PCDH19: variants seen among roughly 807,000 people sequenced by gnomAD.
PCDH19 encodes the protein protocadherin 19, also known as protocadherin-19.
PCDH19 carries 6 observed loss-of-function variants against 46.2 expected under a neutral mutation model. That is an observed-to-expected ratio of 0.13 (90% CI 0.07 to 0.26). PCDH19 has a LOEUF of 0.26. Among genes scored for constraint, PCDH19 ranks in the 10% least tolerant of loss-of-function variants. The pLI is 1.00. For synonymous variants in PCDH19, 481 were observed against 415.7 expected, an observed-to-expected ratio of 1.16 and a Z score of -1.91; for missense variants, 740 against 972.3, an observed-to-expected ratio of 0.76 and a Z score of 3.18.
At chrX:100,344,016 C>T (rs902206597) in intron 4 of PCDH19, among the ~76,000 whole-genome samples, 3 of 111,755 alleles carry the variant, frequency 2.7e-5, no homozygotes, top group African/African-American at 9.8e-5. Flanking sequence ...ATATGACCAA[C>T]CTAGATGTAG....
intron 5 of PCDH19, among the ~76,000 whole-genome samples, chrX:100,331,116 C>G (rs890931560): frequency 8.9e-6 from 1 of 111,791 alleles, no homozygotes; most frequent in Non-Finnish European, 1.9e-5. Context: ...CATATTAGAT[C>G]TCTGAATGGC....
chrX:100,365,408 T>C (rs1012801700), intron 3 of PCDH19, among the ~76,000 whole-genome samples: 2 of 111,850 alleles, frequency 1.8e-5, no homozygotes, highest in African/African-American at 6.5e-5. Context: ...TTTCAATCTA[T>C]AGTCCCTTTT....
At position 100,407,706 on chromosome X, in the gene PCDH19, C is replaced by T; in HGVS notation, c.892G>A (p.Val298Ile). The change falls in exon 1 of 6, where the codon GTC becomes ATC. Residue 298 changes from valine (V) to isoleucine (I), a missense_variant. Val to Ile is a conservative substitution (Grantham distance 29). This residue lies in a region of PCDH19 where 186 missense variants were observed against 319.9 expected (regional missense o/e 0.58). Transcript: ENST00000373034. ...LFQIDPHSGL[V>I]TVTGALDYEE... ...TAGTCTAAAGCGCCAGTGACAGTGA[C>T]CAGGCCACTGTGCGGGTCGATCTGA... The T allele has an allele frequency of 8.2e-7, 1 of 1,212,402 alleles. No homozygotes were observed. The highest frequency in any genetic ancestry group is 1.1e-6 in the Non-Finnish European group (1 of 895,638).
chrX:100,375,423 A>T (rs1030894580), intron 3 of PCDH19, among the ~76,000 whole-genome samples: 5 of 111,868 alleles, frequency 4.5e-5, no homozygotes, highest in African/African-American at 1.6e-4. Flanking sequence ...AAGGACATTA[A>T]CTCATCCTTT....
chrX:100,328,275 G>A (rs1925761225), intron 5 of PCDH19, among the ~76,000 whole-genome samples: 1 of 111,593 alleles, frequency 9.0e-6, no homozygotes, highest in South Asian at 3.8e-4. Context: ...GGTCCAACAC[G>A]CTTAGAACAC....
At chrX:100,332,772 G>A (rs1225881648) in intron 5 of PCDH19, among the ~76,000 whole-genome samples, 1 of 110,444 alleles carries the variant, frequency 9.1e-6, no homozygotes, top group Non-Finnish European at 1.9e-5. Flanking sequence ...AGCACTTTGG[G>A]AGGCCAAAGC....
intron 3 of PCDH19, among the ~76,000 whole-genome samples, chrX:100,402,294 T>C (rs769322237): frequency 3.6e-5 from 4 of 112,466 alleles, no homozygotes; most frequent in Middle Eastern, 4.6e-3. Context: ...GCTCAGACTC[T>C]TTGAGTTACC....
chrX:100,371,088 G>A (rs1006484374), intron 3 of PCDH19, among the ~76,000 whole-genome samples: 3 of 110,187 alleles, frequency 2.7e-5, no homozygotes, highest in Admixed American at 9.8e-5. Flanking sequence ...GGAGGCTGAA[G>A]GTTTCTAATA....
chrX:100,324,738 A>G (rs1318156942), intron 5 of PCDH19, among the ~76,000 whole-genome samples: 12 of 111,833 alleles, frequency 1.1e-4, no homozygotes, highest in Admixed American at 1.0e-3. Context: ...AGAGACGTAG[A>G]TAAGTGAAGA....
At chrX:100,323,430 A>C (rs1287514500) in intron 5 of PCDH19, among the ~76,000 whole-genome samples, 1 of 111,965 alleles carries the variant, frequency 8.9e-6, no homozygotes, top group Non-Finnish European at 1.9e-5. Flanking sequence ...AAAGCAGAAC[A>C]ATGCCCTGAA....
Position 100,403,530 on chromosome X carries a change from C to A in PCDH19, c.2282G>T (p.Gly761Val). The A allele has an allele frequency of 8.3e-7, 1 of 1,202,291 alleles. No homozygotes were observed. The highest frequency in any genetic ancestry group is 1.1e-6 in the Non-Finnish European group (1 of 890,873). ...KKTEEKVSLR[G>V]KRIAEYSYGH... ...AGGGGAAATGCCTTTTTACCTCTTT[C>A]CCCTTAGGCTCACTTTCTCCTCTGT... The change falls in exon 2 of 6, where the codon GGA becomes GTA. Residue 761 changes from glycine (G) to valine (V), a missense_variant. By Grantham distance (109) the Gly-to-Val change is moderately radical. Coordinates refer to ENST00000373034, the MANE Select transcript of PCDH19 (RefSeq NM_001184880.2).
intron 3 of PCDH19, among the ~76,000 whole-genome samples, chrX:100,362,338 A>G (rs1020263844): frequency 2.8e-4 from 31 of 111,712 alleles, no homozygotes; most frequent in African/African-American, 9.8e-4. Context: ...TATCGGGGCT[A>G]AACCAGTAGA....
chrX:100,336,147 G>A (rs1288731820), intron 5 of PCDH19, among the ~76,000 whole-genome samples: 7 of 112,153 alleles, frequency 6.2e-5, no homozygotes, highest in Non-Finnish European at 1.3e-4. Context: ...TCTGGCCCAT[G>A]CTACCATATC....
At chrX:100,384,536 C>T (rs1470126616) in intron 3 of PCDH19, among the ~76,000 whole-genome samples, 2 of 110,369 alleles carry the variant, frequency 1.8e-5, no homozygotes, top group Non-Finnish European at 3.8e-5. Flanking sequence ...CTCTTTTTCC[C>T]TCCCTTTTTC....
Position 100,346,501 on chromosome X carries a change from A to G in PCDH19, c.2675+4145T>C, listed in dbSNP as rs368531829. 3.6e-4 allele frequency among the ~76,000 whole-genome samples: 40 copies of G among 112,191 alleles called. No individual in the cohort carries two copies. In the East Asian group the frequency reaches 6.2e-3, roughly 17 times the overall value. ...GATGGAGCTAGCATACCTGCGTTTAACAAGCCTTCCAGGTGTTTCCAATGC... is the reference window on the plus strand; with the variant it reads ...GATGGAGCTAGCATACCTGCGTTTAGCAAGCCTTCCAGGTGTTTCCAATGC... On this transcript the variant is annotated intron_variant, in intron 4 of 5. Transcript: ENST00000373034.
At chrX:100,363,852 C>CGT (rs1331926595) in intron 3 of PCDH19, among the ~76,000 whole-genome samples, 73 of 4,361 alleles carry the variant, frequency 0.017, no homozygotes, top group South Asian at 0.038. Context: ...GTAGAATGTG[C>CGT]GTGCGTGTGT....
rs371814165 is a variant in PCDH19 at position 100,296,232 on chromosome X, T to A, written c.*45A>T. ...AATTAAAACAAGAAGCTCCTGCTTCTTCACTAGCCAGTGTGGTTTCTTTCT... is the reference window on the plus strand; with the variant it reads ...AATTAAAACAAGAAGCTCCTGCTTCATCACTAGCCAGTGTGGTTTCTTTCT... On this transcript the variant is annotated 3_prime_UTR_variant, in exon 6 of 6. Coordinates refer to ENST00000373034, the MANE Select transcript of PCDH19 (RefSeq NM_001184880.2). The A allele has an allele frequency of 3.8e-6, 4 of 1,052,618 alleles. No individual in the cohort carries two copies. The highest frequency in any genetic ancestry group is 4.0e-6 in the Non-Finnish European group (3 of 751,520). The allele number at this position is 1,052,618 out of a possible 1,213,427, so 86.7% of individuals were successfully genotyped here.
chrX:100,386,969 A>G (rs956768604), intron 3 of PCDH19, among the ~76,000 whole-genome samples: 1 of 112,320 alleles, frequency 8.9e-6, no homozygotes, highest in East Asian at 2.8e-4. Flanking sequence ...ACTTTCCTGT[A>G]GCAAAGATTT....
chrX:100,358,505 C>G (rs1200402144), intron 3 of PCDH19, among the ~76,000 whole-genome samples: 1 of 112,342 alleles, frequency 8.9e-6, no homozygotes. Context: ...TTTCTTTGCT[C>G]TCATCTTTGG....
Sources: allele counts gnomAD v4.1 joint callset (sites outside exome capture counted in the v4.1 genomes callset), GRCh38; gene constraint gnomAD v4.1.1; regional missense constraint gnomAD v4.1.1; transcripts MANE v1.5; gene names NCBI Gene and HGNC (gene_info 2026-07-23, HGNC 2026-07-21).